The following KCNQ2 variants were observed in gnomAD, a reference collection of about 807,000 sequenced individuals.
KCNQ2 encodes potassium voltage-gated channel subfamily Q member 2.
KCNQ2 carries 14 observed loss-of-function variants against 84.8 expected under a neutral mutation model. That is an observed-to-expected ratio of 0.17 (90% confidence interval 0.11 to 0.26). The LOEUF is 0.26. KCNQ2 is among the 10% of genes least tolerant of loss of function. The probability of loss-of-function intolerance (pLI) is 1.00; values close to 1 mark genes in which losing one functional copy is unlikely to be tolerated. For missense variants in KCNQ2, 788 were observed against 1,254.0 expected (o/e 0.63, Z 5.61); for synonymous variants, 599 against 554.1 (o/e 1.08, Z -1.14).
rs1601525472 is a variant in KCNQ2 at position 63,400,734 on chromosome 20, G to A, written c.*5910C>T. 1 of 398,400 alleles carries A rather than the reference G, an allele frequency of 2.5e-6. No homozygotes were observed. The highest frequency in any genetic ancestry group is 2.1e-5 in the African/African-American group (1 of 48,624). 24.7% of individuals were successfully genotyped at this position (398,400 alleles called of 1,614,324 possible). ...ATGGCGGGCACACGTGGGCCGTGTG[G>A]ATCCCGGGCAGAGGGATGGCGTCCA... On this transcript the variant is annotated 3_prime_UTR_variant, in exon 17 of 17. Coordinates refer to ENST00000359125, the MANE Select transcript of KCNQ2 (RefSeq NM_172107.4). The surrounding 1 kb of genome is among the most constrained non-coding windows in gnomAD (Gnocchi z 8.7).
rs2145556177 is a variant in KCNQ2 at position 63,415,000 on chromosome 20, G to A, written c.1428C>T (p.Ser476=). ...TCCAGCTCTTGGGCACCTTGCTGGGGCTGTCCTCGAGGCTCTGGTCGGCGC... is the reference window on the plus strand; with the variant it reads ...TCCAGCTCTTGGGCACCTTGCTGGGACTGTCCTCGAGGCTCTGGTCGGCGC... ...SPSADQSLED[S]PSKVPKSWSF... Residue 476 remains serine, a synonymous_variant, in exon 13 of 17, where the codon AGC becomes AGT. Coordinates refer to ENST00000359125, the MANE Select transcript of KCNQ2 (RefSeq NM_172107.4). This position sits in a 1 kb window ranked among gnomAD's most constrained non-coding sequence, Gnocchi z 6.6. 6.2e-7 allele frequency: 1 copy of A among 1,611,378 alleles called. No individual in the cohort carries two copies. The highest frequency in any genetic ancestry group is 8.5e-7 in the Non-Finnish European group (1 of 1,179,950).
rs1295949328 is a variant in KCNQ2 at position 63,442,793 on chromosome 20, A to G, written c.691-262T>C. On this transcript the variant is annotated intron_variant, in intron 4 of 16. Transcript: ENST00000359125. ...CACCATCACCACCACCACCATCACC[A>G]TTACCACCACCATTACCACCACCAT... is the stretch of plus-strand genomic sequence containing the variant. 1.9e-5 allele frequency among the ~76,000 whole-genome samples: 2 copies of G among 107,046 alleles called. 1 individual carries two copies. The highest frequency in any genetic ancestry group is 7.6e-5 in the African/African-American group (2 of 26,338). 70.2% of individuals were successfully genotyped at this position (107,046 alleles called of 152,430 possible).
At chr20:63,430,655 C>G (rs1217468479) in intron 9 of KCNQ2, among the ~76,000 whole-genome samples, 2 of 152,226 alleles carry the variant, frequency 1.3e-5, no homozygotes, top group African/African-American at 4.8e-5. Flanking sequence ...AGCAGCTCAG[C>G]GCTCTCCAGT....
At chr20:63,470,660 G>C (rs2082194414) in intron 1 of KCNQ2, among the ~76,000 whole-genome samples, 1 of 152,186 alleles carries the variant, frequency 6.6e-6, no homozygotes. Flanking sequence ...AGGCTGTCAG[G>C]GCAGGAGGGT....
chr20:63,443,261 A>G (rs1371567253), intron 4 of KCNQ2, among the ~76,000 whole-genome samples: 2 of 57,026 alleles, frequency 3.5e-5, no homozygotes, highest in Non-Finnish European at 7.1e-5. Flanking sequence ...CACCATCGCC[A>G]CCATCATCAC....
intron 1 of KCNQ2, among the ~76,000 whole-genome samples, chr20:63,448,771 C>T (rs79476033): frequency 0.024 from 3,627 of 152,332 alleles, 59 homozygotes; most frequent in Non-Finnish European, 0.036. Context: ...GAAGTCCCTC[C>T]AGCCCGGATA....
chr20:63,427,769 G>A (rs1291426049), intron 10 of KCNQ2, among the ~76,000 whole-genome samples: 1 of 152,260 alleles, frequency 6.6e-6, no homozygotes, highest in Non-Finnish European at 1.5e-5. Context: ...CGTCCTGATA[G>A]GTTCCAGAGC....
At position 63,457,548 on chromosome 20, in the gene KCNQ2, G is replaced by A. The variant is rs115828951; in HGVS notation, c.297-10711C>T. 8.7e-3 allele frequency among the ~76,000 whole-genome samples: 1,320 copies of A among 152,340 alleles called. 18 individuals are homozygous for A. Among genetic ancestry groups the A allele is most frequent in the African/African-American group, 0.03 (1,259 of 41,568 alleles). On this transcript the variant is annotated intron_variant, in intron 1 of 16. Transcript: ENST00000359125. The stretch of plus-strand genomic sequence containing the variant: ...CTTCCAACATCCTGGGCAGGGAGGC[G>A]CTCTCAGGGGGCTCTCGATGCCCCA...
chr20:63,433,652 G>C, intron 8 of KCNQ2, 157 bp downstream of exon 8: 1 of 1,389,708 alleles, frequency 7.2e-7, no homozygotes, highest in Admixed American at 1.8e-5. Flanking sequence ...CAGAAGCAAC[G>C]CCTCGAAATA....
At chr20:63,470,194 A>G (rs4809305) in intron 1 of KCNQ2, among the ~76,000 whole-genome samples, 1 of 151,428 alleles carries the variant, frequency 6.6e-6, no homozygotes, top group African/African-American at 2.5e-5. Flanking sequence ...CCTGAGTCCA[A>G]GCCACCCCTG....
intron 11 of KCNQ2, chr20:63,423,969 C>T (rs549703810): frequency 1.2e-4 from 77 of 618,450 alleles, no homozygotes; most frequent in South Asian, 1.2e-3. Flanking sequence ...AAAGTAAAAC[C>T]GAATCACTGG....
At position 63,409,707 on chromosome 20, in the gene KCNQ2, C is replaced by A. The variant is rs1031697445; in HGVS notation, c.1764-1171G>T. The stretch of plus-strand genomic sequence containing the variant: ...ACACCAGCCGACGGGGCCAAGTCCT[C>A]ACTTCCTGCCACTGGGCTGCCCTAC... On this transcript the variant is annotated intron_variant, in intron 15 of 16. Transcript: ENST00000359125. 2.6e-5 allele frequency among the ~76,000 whole-genome samples: 4 copies of A among 152,178 alleles called. No homozygotes were observed. The East Asian group carries it at 7.7e-4, about 29-fold the overall frequency.
At chr20:63,433,629 C>CT in intron 8 of KCNQ2, 180 bp downstream of exon 8, 1 of 1,175,498 alleles carries the variant, frequency 8.5e-7, no homozygotes, top group Non-Finnish European at 1.2e-6. Context: ...AGCCGCAGCT[C>CT]TAACACAAAG....
intron 4 of KCNQ2, among the ~76,000 whole-genome samples, chr20:63,443,051 TCAG>T (rs1211403811): frequency 5.0e-4 from 19 of 38,326 alleles, no homozygotes; most frequent in African/African-American, 1.7e-3. Context: ...ATCACCATCA[TCAG>T]CATCACCATC....
intron 1 of KCNQ2, among the ~76,000 whole-genome samples, chr20:63,468,798 C>T (rs1004260692): frequency 2.0e-5 from 3 of 152,226 alleles, no homozygotes; most frequent in African/African-American, 7.2e-5. Flanking sequence ...TCACTCTGGC[C>T]ACTCCACGTG....
intron 1 of KCNQ2, chr20:63,453,677 C>T (rs2081684414): frequency 6.6e-6 from 1 of 152,336 alleles, no homozygotes; most frequent in African/African-American, 2.4e-5. Context: ...CAGAGCCACG[C>T]ACATAATCCT....
intron 7 of KCNQ2, 52 bp from the exon 8 acceptor site, chr20:63,433,955 GC>G: frequency 6.5e-7 from 1 of 1,526,882 alleles, no homozygotes; most frequent in Non-Finnish European, 9.1e-7. Context: ...CGAGGGGCGC[GC>G]CCAGGAGGGC....
rs374526673 is a variant in KCNQ2, at chr20:63,406,854, G to A, written c.2409C>T (p.Ser803=). The part of the protein sequence containing the change: ...VDHEELERSF[S]GFSISQSKEN... ...CCTTGGACTGGGAGATGCTGAAGCC[G>A]CTGAAGGAACGCTCCAGCTCCTCGT... Residue 803 remains serine, a synonymous_variant, in exon 17 of 17, where the codon AGC becomes AGT. Transcript: ENST00000359125. 1.9e-5 allele frequency: 30 copies of A among 1,612,160 alleles called. No individual in the cohort carries two copies. The East Asian group carries it at 2.2e-4, about 12-fold the overall frequency.
At chr20:63,462,968 G>A (rs1179293721) in intron 1 of KCNQ2, among the ~76,000 whole-genome samples, 2 of 152,108 alleles carry the variant, frequency 1.3e-5, no homozygotes, top group East Asian at 1.9e-4. Context: ...TGGCTGACCC[G>A]GTACGGAGAT....
Sources: allele counts gnomAD v4.1 joint callset (sites outside exome capture counted in the v4.1 genomes callset), GRCh38; gene constraint gnomAD v4.1.1; non-coding constraint Gnocchi (gnomAD v3.1); transcripts MANE v1.5; gene names NCBI Gene and HGNC (gene_info 2026-07-23, HGNC 2026-07-21).